KCNQ5: variants seen among roughly 807,000 people sequenced by gnomAD.
KCNQ5 encodes potassium voltage-gated channel subfamily KQT member 5.
Under a neutral mutation model 98.2 loss-of-function variants are expected in KCNQ5, and 30 were observed. The observed-to-expected ratio is 0.31, with a 90% CI of 0.23 to 0.41. The LOEUF is 0.41. Ranked by LOEUF, KCNQ5 falls within the 10% of genes least tolerant of loss-of-function variation. The pLI is 1.00. For missense variants in KCNQ5, 835 were observed against 1,182.5 expected, an observed-to-expected ratio of 0.71 and a Z score of 4.31; for synonymous variants, 458 against 449.4, an observed-to-expected ratio of 1.02 and a Z score of -0.24.
intron 1 of KCNQ5, among the ~76,000 whole-genome samples, chr6:72,846,606 G>A (rs948009482): frequency 6.6e-6 from 1 of 152,112 alleles, no homozygotes; most frequent in Non-Finnish European, 1.5e-5. Context: ...TTGAGCCCAG[G>A]AGGTCAAGGC....
intron 1 of KCNQ5, among the ~76,000 whole-genome samples, chr6:72,701,700 G>A (rs934806095): frequency 2.0e-5 from 3 of 151,810 alleles, no homozygotes; most frequent in Admixed American, 6.6e-5. Flanking sequence ...CCTCCACCAA[G>A]CCTGGCTAAT....
At chr6:72,836,448 A>G (rs1776506373) in intron 1 of KCNQ5, among the ~76,000 whole-genome samples, 1 of 152,010 alleles carries the variant, frequency 6.6e-6, no homozygotes, top group African/African-American at 2.4e-5. Context: ...GTGTGTATAT[A>G]TATATATTTG....
At chr6:72,960,355 TAA>T (rs1767280668) in intron 1 of KCNQ5, among the ~76,000 whole-genome samples, 1 of 150,782 alleles carries the variant, frequency 6.6e-6, no homozygotes, top group Non-Finnish European at 1.5e-5. Context: ...AATAAATATT[TAA>T]GTGTTTCCCT....
intron 1 of KCNQ5, among the ~76,000 whole-genome samples, chr6:72,835,176 CA>C (rs778780850): frequency 1.3e-5 from 2 of 152,070 alleles, no homozygotes; most frequent in East Asian, 1.9e-4. Context: ...TCCTCCCCAT[CA>C]CTAACCATAG....
intron 1 of KCNQ5, among the ~76,000 whole-genome samples, chr6:72,697,347 G>A (rs1044762616): frequency 6.6e-6 from 1 of 152,092 alleles, no homozygotes; most frequent in African/African-American, 2.4e-5. Flanking sequence ...AGAGGAAAGG[G>A]CCATATAGAA....
chr6:72,972,113 G>A (rs533678840), intron 1 of KCNQ5, among the ~76,000 whole-genome samples: 11 of 152,156 alleles, frequency 7.2e-5, no homozygotes, highest in East Asian at 3.9e-4. Flanking sequence ...TCTAGCTACC[G>A]GTAAAGAAAT....
chr6:72,705,662 C>T (rs1430696204), intron 1 of KCNQ5, among the ~76,000 whole-genome samples: 3 of 150,892 alleles, frequency 2.0e-5, no homozygotes, highest in Non-Finnish European at 4.4e-5. Flanking sequence ...AAAATGTAAT[C>T]TCTTCCCCTG....
intron 1 of KCNQ5, among the ~76,000 whole-genome samples, chr6:72,921,438 T>C (rs541946479): frequency 6.6e-6 from 1 of 152,272 alleles, no homozygotes; most frequent in African/African-American, 2.4e-5. Flanking sequence ...ACCAGGGGCA[T>C]TTCTGGAAAG....
intron 2 of KCNQ5, among the ~76,000 whole-genome samples, chr6:73,038,715 C>A (rs545507750): frequency 6.6e-6 from 1 of 151,814 alleles, no homozygotes; most frequent in Non-Finnish European, 1.5e-5. Flanking sequence ...TCCTACTTGC[C>A]TATATATTGA....
At chr6:72,966,624 G>A (rs1324638578) in intron 1 of KCNQ5, among the ~76,000 whole-genome samples, 1 of 152,044 alleles carries the variant, frequency 6.6e-6, no homozygotes. Context: ...ATTTTGAAAG[G>A]TATCCTCTTA....
intron 1 of KCNQ5, among the ~76,000 whole-genome samples, chr6:72,638,044 T>C (rs1457371647): frequency 6.6e-6 from 1 of 152,164 alleles, no homozygotes; most frequent in African/African-American, 2.4e-5. Context: ...AGGTCCTACT[T>C]TAGTTGTGCA....
chr6:72,915,642 G>T (rs1044456645), intron 1 of KCNQ5, among the ~76,000 whole-genome samples: 11 of 151,978 alleles, frequency 7.2e-5, no homozygotes, highest in Admixed American at 1.3e-4. Context: ...TTAAAGCATA[G>T]CAGACTTTTT....
At position 73,111,416 on chromosome 6, in the gene KCNQ5, G is replaced by C; in HGVS notation, c.1125+13G>C. On this transcript the variant is annotated intron_variant, in intron 7 of 13. Coordinates refer to ENST00000370398, the MANE Select transcript of KCNQ5 (RefSeq NM_019842.4). Reference sequence around the variant, plus strand: ...CAACCTCATTCAGGTAAATGTCAATGTAATAGGTAGATGGCAACATTTGTG... The same window carrying C: ...CAACCTCATTCAGGTAAATGTCAATCTAATAGGTAGATGGCAACATTTGTG... 6.4e-7 allele frequency: 1 copy of C among 1,559,776 alleles called. No individual in the cohort carries two copies. Among genetic ancestry groups the C allele is most frequent in the Non-Finnish European group, 8.8e-7 (1 of 1,141,100 alleles).
At chr6:72,748,021 AATCTATAC>A (rs939679190) in intron 1 of KCNQ5, among the ~76,000 whole-genome samples, 2 of 152,142 alleles carry the variant, frequency 1.3e-5, no homozygotes, top group Non-Finnish European at 2.9e-5. Flanking sequence ...TTCGTTGTAT[AATCTATAC>A]ATCTCCGAAA....
At chr6:73,169,007 T>C (rs892852706) in intron 10 of KCNQ5, among the ~76,000 whole-genome samples, 2 of 152,242 alleles carry the variant, frequency 1.3e-5, no homozygotes, top group Non-Finnish European at 2.9e-5. Flanking sequence ...CACAGGAATT[T>C]TAACTTCATT....
chr6:73,055,661 G>A (rs983390744), intron 3 of KCNQ5: 18 of 1,138,118 alleles, frequency 1.6e-5, no homozygotes, highest in Non-Finnish European at 2.1e-5. Flanking sequence ...CAGCCTCTGG[G>A]GCACTGACAA....
Position 72,714,789 on chromosome 6 carries a change from A to G in KCNQ5, c.398+92202A>G, listed in dbSNP as rs187754390. 2.0e-3 allele frequency among the ~76,000 whole-genome samples: 310 copies of G among 152,260 alleles called. 11 individuals carry two copies. The East Asian group carries it at 0.049, about 24-fold the overall frequency. On this transcript the variant is annotated intron_variant, in intron 1 of 13. Transcript: ENST00000370398. ...TCAAGGCAGTTCAAAAATAGCAAAAACTTGATTTCCTCTTAATATCTTGAA... is the reference window on the plus strand; with the variant it reads ...TCAAGGCAGTTCAAAAATAGCAAAAGCTTGATTTCCTCTTAATATCTTGAA...
At chr6:72,812,620 G>A (rs946174420) in intron 1 of KCNQ5, among the ~76,000 whole-genome samples, 48 of 152,294 alleles carry the variant, frequency 3.2e-4, no homozygotes, top group African/African-American at 1.2e-3. Flanking sequence ...TTTTGTATGA[G>A]GAAGGTCACT....
At chr6:72,670,815 C>CCTTA (rs1266799823) in intron 1 of KCNQ5, among the ~76,000 whole-genome samples, 1 of 152,110 alleles carries the variant, frequency 6.6e-6, no homozygotes, top group East Asian at 1.9e-4. Flanking sequence ...TCTTGTTTAA[C>CCTTA]CTTACTTACC....
Sources: gnomAD v4.1 joint callset for allele counts (sites outside exome capture counted in the v4.1 genomes callset) on GRCh38, gnomAD v4.1.1 for gene constraint, MANE v1.5 for transcripts, NCBI Gene and HGNC (gene_info 2026-07-23, HGNC 2026-07-21) for gene names.